Variants in KCNH5 observed in about 807,000 individuals in gnomAD.
The protein encoded by KCNH5 is potassium voltage-gated channel subfamily H member 5.
A neutral mutation model predicts 96.1 loss-of-function variants in KCNH5; 46 were observed. That is an observed-to-expected ratio of 0.48 (90% CI 0.38 to 0.61). The LOEUF (loss-of-function observed/expected upper bound fraction) is 0.61, where lower values mean the gene tolerates loss of function less well. Among genes scored for constraint, KCNH5 ranks in the 20% least tolerant of loss-of-function variants. The pLI is 0.00. For synonymous variants in KCNH5, 439 were observed against 449.8 expected, an observed-to-expected ratio of 0.98 and a Z score of 0.30; for missense variants, 907 against 1,225.8, an observed-to-expected ratio of 0.74 and a Z score of 3.88.
intron 10 of KCNH5, among the ~76,000 whole-genome samples, chr14:62,752,671 A>G (rs1439675607): frequency 6.6e-6 from 1 of 152,082 alleles, no homozygotes; most frequent in Non-Finnish European, 1.5e-5. Context: ...GTAAACCCCA[A>G]GTGTCAATGG....
In KCNH5 at chr14:62,779,720, G is replaced by A; in HGVS notation, c.2019+8C>T. 2 of 1,609,660 alleles carry A rather than the reference G, an allele frequency of 1.2e-6. No individual in the cohort carries two copies. Among genetic ancestry groups the A allele is most frequent in the Non-Finnish European group, 8.5e-7 (1 of 1,177,274 alleles). On this transcript the variant is annotated splice_region_variant and intron_variant, in intron 10 of 10. Transcript: ENST00000322893. ...ACTAATAAGAAAAAGCAGACCCAGA[G>A]AACATACCCGTTTCCTCAGATTGCA...
intron 7 of KCNH5, among the ~76,000 whole-genome samples, chr14:62,906,336 T>C (rs924292554): frequency 6.6e-6 from 1 of 152,188 alleles, no homozygotes; most frequent in African/African-American, 2.4e-5. Flanking sequence ...TGTGAGAATA[T>C]AGAAAAGGTT....
chr14:62,990,421 A>T (rs1383356367), intron 4 of KCNH5, among the ~76,000 whole-genome samples: 1 of 152,108 alleles, frequency 6.6e-6, no homozygotes, highest in Non-Finnish European at 1.5e-5. Context: ...AGTCAGTGTG[A>T]TCAAGGAATA....
At chr14:62,760,174 C>T (rs1157970632) in intron 10 of KCNH5, among the ~76,000 whole-genome samples, 1 of 152,152 alleles carries the variant, frequency 6.6e-6, no homozygotes, top group Non-Finnish European at 1.5e-5. Context: ...CTACAATGGC[C>T]AACTAGGTCA....
At chr14:62,895,856 C>T (rs1888801088) in intron 7 of KCNH5, among the ~76,000 whole-genome samples, 1 of 152,190 alleles carries the variant, frequency 6.6e-6, no homozygotes, top group African/African-American at 2.4e-5. Context: ...ATGTAGCACA[C>T]ATGGATAGCC....
In KCNH5 at chr14:62,753,433, A is replaced by T. The variant is rs560662860; in HGVS notation, c.2019+26295T>A. Among the ~76,000 whole-genome samples the T allele has an allele frequency of 1.3e-4, 20 of 152,306 alleles. No homozygotes were observed. The East Asian group carries it at 3.7e-3, about 28-fold the overall frequency. On this transcript the variant is annotated intron_variant, in intron 10 of 10. Transcript: ENST00000322893. ...ACAGAGGAATAGAAAATTTAAAGGG[A>T]TAATAACAGAGAACTTCCAAACATA...
chr14:62,943,886 A>G (rs1229751529), intron 7 of KCNH5, among the ~76,000 whole-genome samples: 1 of 152,154 alleles, frequency 6.6e-6, no homozygotes, highest in Non-Finnish European at 1.5e-5. Flanking sequence ...CCAATTCAGA[A>G]ATCTGAACAG....
intron 10 of KCNH5, among the ~76,000 whole-genome samples, chr14:62,738,961 G>A (rs928198188): frequency 2.0e-5 from 3 of 152,106 alleles, no homozygotes; most frequent in African/African-American, 7.2e-5. Flanking sequence ...GGGTCTTAAA[G>A]GACTTCAACA....
intron 1 of KCNH5, among the ~76,000 whole-genome samples, chr14:63,039,538 T>C (rs1891784112): frequency 6.6e-6 from 1 of 152,048 alleles, no homozygotes; most frequent in African/African-American, 2.4e-5. Context: ...TGGCTCAATA[T>C]GAAGCATTAT....
At chr14:63,017,630 TC>T (rs1207333049) in intron 1 of KCNH5, among the ~76,000 whole-genome samples, 1 of 151,672 alleles carries the variant, frequency 6.6e-6, no homozygotes, top group Non-Finnish European at 1.5e-5. Flanking sequence ...TGATTGAAAA[TC>T]CAATCATATT....
intron 7 of KCNH5, among the ~76,000 whole-genome samples, chr14:62,906,270 A>G (rs1889025462): frequency 6.6e-6 from 1 of 152,180 alleles, no homozygotes; most frequent in South Asian, 2.1e-4. Flanking sequence ...AGAGTCACAA[A>G]TATAGTATGT....
intron 8 of KCNH5, among the ~76,000 whole-genome samples, chr14:62,845,131 T>C (rs1191700975): frequency 6.6e-6 from 1 of 152,082 alleles, no homozygotes; most frequent in African/African-American, 2.4e-5. Context: ...AAAAAAATTA[T>C]CAATAAAATA....
intron 7 of KCNH5, among the ~76,000 whole-genome samples, chr14:62,937,595 G>A (rs1566714655): frequency 6.6e-6 from 1 of 152,214 alleles, no homozygotes; most frequent in Non-Finnish European, 1.5e-5. Context: ...CAATGAAGAT[G>A]AGTGGTCATA....
chr14:63,006,762 A>G (rs3910328), intron 2 of KCNH5, among the ~76,000 whole-genome samples: 46,553 of 152,056 alleles, frequency 0.31, 8,789 homozygotes, highest in East Asian at 0.58. Context: ...AAGCTTTGCC[A>G]CTTGATCTTC....
At chr14:63,041,640 ATCTTT>A (rs1392545801) in intron 1 of KCNH5, among the ~76,000 whole-genome samples, 1 of 152,150 alleles carries the variant, frequency 6.6e-6, no homozygotes, top group Non-Finnish European at 1.5e-5. Context: ...AAATGATCTT[ATCTTT>A]TATCTTTAAA....
chr14:63,011,631 A>G (rs1891229851), intron 2 of KCNH5, among the ~76,000 whole-genome samples: 1 of 152,166 alleles, frequency 6.6e-6, no homozygotes, highest in Non-Finnish European at 1.5e-5. Flanking sequence ...GAGTAAATAA[A>G]TGGTTGATCC....
intron 10 of KCNH5, among the ~76,000 whole-genome samples, chr14:62,737,128 C>T: frequency 6.6e-6 from 1 of 152,132 alleles, no homozygotes; most frequent in East Asian, 1.9e-4. Flanking sequence ...AATGCTTGAA[C>T]CTTCTTTCCT....
chr14:62,733,809 A>C (rs2139927198), intron 10 of KCNH5, among the ~76,000 whole-genome samples: 1 of 152,168 alleles, frequency 6.6e-6, no homozygotes, highest in East Asian at 1.9e-4. Context: ...TGCTTCCTTT[A>C]TTGGCATTCA....
At chr14:63,021,435 T>C (rs1891425172) in intron 1 of KCNH5, among the ~76,000 whole-genome samples, 1 of 152,184 alleles carries the variant, frequency 6.6e-6, no homozygotes, top group Non-Finnish European at 1.5e-5. Flanking sequence ...TGCTCATTCA[T>C]GCTGCCCACT....
Sources: allele counts gnomAD v4.1 joint callset (sites outside exome capture counted in the v4.1 genomes callset), GRCh38; gene constraint gnomAD v4.1.1; transcripts MANE v1.5; gene names NCBI Gene and HGNC (gene_info 2026-07-23, HGNC 2026-07-21).